Variants in CDH13 observed in about 807,000 individuals in gnomAD.
The protein encoded by CDH13 is cadherin 13.
In CDH13, 24 loss-of-function variants were observed where a neutral mutation model predicts 63.8. The ratio of observed to expected loss-of-function variants is 0.38; its 90% confidence interval spans 0.27 to 0.53. The LOEUF (loss-of-function observed/expected upper bound fraction) is 0.53, where lower values mean the gene tolerates loss of function less well. Among genes scored for constraint, CDH13 ranks in the 20% least tolerant of loss-of-function variants. The pLI is 0.85. For synonymous variants in CDH13, 503 were observed against 355.3 expected (o/e 1.42, Z -4.67); for missense variants, 1,049 against 903.1 (o/e 1.16, Z -2.07).
chr16:83,696,916 C>G (rs1267756467), intron 10 of CDH13, among the ~76,000 whole-genome samples: 6 of 152,130 alleles, frequency 3.9e-5, no homozygotes, highest in Non-Finnish European at 7.4e-5. Context: ...AAGTAAAACC[C>G]AGACCCCCTG....
intron 3 of CDH13, among the ~76,000 whole-genome samples, chr16:83,121,564 A>G (rs192344615): frequency 1.3e-5 from 2 of 152,338 alleles, no homozygotes; most frequent in Admixed American, 1.3e-4. Flanking sequence ...AGTGGTCGGA[A>G]CATGGTCTTC....
chr16:83,031,262 A>G lies in CDH13; in HGVS notation c.158-748A>G, dbSNP rs569865447. ...ATATACATGCGCATGTATACACCAT[A>G]TACATGCGCATGTATACACCATATA... On this transcript the variant is annotated intron_variant, in intron 2 of 13. Transcript: ENST00000567109. Among the ~76,000 whole-genome samples the G allele has an allele frequency of 8.9e-5, 13 of 146,156 alleles. 1 individual carries two copies. Among genetic ancestry groups the G allele is most frequent in the African/African-American group, 3.3e-4 (13 of 39,984 alleles).
intron 2 of CDH13, among the ~76,000 whole-genome samples, chr16:82,906,856 C>A (rs546324709): frequency 3.3e-5 from 5 of 152,172 alleles, no homozygotes; most frequent in Non-Finnish European, 7.3e-5. Context: ...TCATGACCTC[C>A]TCTTCTGCCT....
intron 2 of CDH13, among the ~76,000 whole-genome samples, chr16:83,015,747 C>T (rs1422757905): frequency 8.1e-6 from 1 of 122,838 alleles, no homozygotes; most frequent in African/African-American, 3.0e-5. Flanking sequence ...AGCAATAAAT[C>T]TCAGGAACCT....
At chr16:82,757,461 C>T (rs1185094748) in intron 1 of CDH13, among the ~76,000 whole-genome samples, 1 of 152,156 alleles carries the variant, frequency 6.6e-6, no homozygotes, top group African/African-American at 2.4e-5. Context: ...AAAAACAAAT[C>T]GATGGCTCTG....
chr16:83,246,835 C>T (rs1458132591), intron 5 of CDH13, among the ~76,000 whole-genome samples: 2 of 152,192 alleles, frequency 1.3e-5, no homozygotes, highest in African/African-American at 4.8e-5. Context: ...CTGTTTCCTT[C>T]TTCAGTTCTC....
intron 4 of CDH13, among the ~76,000 whole-genome samples, chr16:83,149,426 AG>A (rs1309010200): frequency 1.3e-5 from 2 of 152,236 alleles, no homozygotes; most frequent in Admixed American, 1.3e-4. Flanking sequence ...CGTCCATGAT[AG>A]GATCACAACA....
At chr16:83,634,115 T>TTGTGTGTGTGTG (rs1454869281) in intron 8 of CDH13, among the ~76,000 whole-genome samples, 2 of 135,790 alleles carry the variant, frequency 1.5e-5, no homozygotes, top group East Asian at 4.3e-4. Context: ...TTTGTGTGTT[T>TTGTGTGTGTGTG]TCTGTGTGTG....
chr16:83,505,770 T>G (rs753562716), intron 7 of CDH13, among the ~76,000 whole-genome samples: 2 of 152,162 alleles, frequency 1.3e-5, no homozygotes, highest in Non-Finnish European at 2.9e-5. Flanking sequence ...CTTGAACTCC[T>G]GACCTCAGGT....
intron 2 of CDH13, among the ~76,000 whole-genome samples, chr16:82,876,527 A>C (rs141580992): frequency 1.8e-4 from 28 of 152,324 alleles, no homozygotes; most frequent in African/African-American, 6.7e-4. Flanking sequence ...AGCTTTTAAA[A>C]AAATAGATGG....
chr16:82,782,726 C>T (rs28706808), intron 1 of CDH13, among the ~76,000 whole-genome samples: 5,169 of 152,232 alleles, frequency 0.034, 320 homozygotes, highest in African/African-American at 0.12. Flanking sequence ...ACAAAAGCAG[C>T]TTCACGACCA....
intron 2 of CDH13, among the ~76,000 whole-genome samples, chr16:82,900,058 A>T (rs115815395): frequency 8.3e-4 from 126 of 151,854 alleles, no homozygotes; most frequent in African/African-American, 3.0e-3. Flanking sequence ...CTTGCTTTCT[A>T]TTTCCCAGAA....
At chr16:82,679,890 A>G (rs1292238397) in intron 1 of CDH13, among the ~76,000 whole-genome samples, 1 of 152,220 alleles carries the variant, frequency 6.6e-6, no homozygotes, top group African/African-American at 2.4e-5. Flanking sequence ...CCTATCTCAT[A>G]AGATTGTCAG....
chr16:83,375,398 A>C (rs1261314256), intron 6 of CDH13, among the ~76,000 whole-genome samples: 2 of 152,208 alleles, frequency 1.3e-5, no homozygotes, highest in Middle Eastern at 3.2e-3. Flanking sequence ...CACAGCTATC[A>C]GTGGCTATGG....
intron 8 of CDH13, among the ~76,000 whole-genome samples, chr16:83,623,159 A>G (rs930990875): frequency 3.3e-5 from 5 of 152,046 alleles, no homozygotes; most frequent in East Asian, 3.9e-4. Flanking sequence ...AGATGCCCTG[A>G]GGCATACAAG....
chr16:83,007,587 T>C (rs992499469), intron 2 of CDH13, among the ~76,000 whole-genome samples: 5 of 152,096 alleles, frequency 3.3e-5, no homozygotes, highest in Admixed American at 6.5e-5. Flanking sequence ...CCCAGCACTT[T>C]GGGAGGCTGG....
intron 3 of CDH13, among the ~76,000 whole-genome samples, chr16:83,073,512 T>A (rs1173285574): frequency 1.3e-5 from 2 of 152,164 alleles, no homozygotes; most frequent in Non-Finnish European, 2.9e-5. Flanking sequence ...TTCACACACA[T>A]GGCGATGAGA....
rs75248907 is a variant in CDH13 at position 83,172,733 on chromosome 16, C to T, written c.484-44612C>T. Among the ~76,000 whole-genome samples, 1,389 of 152,100 alleles carry T rather than the reference C, an allele frequency of 9.1e-3. 23 individuals are homozygous for T. Among genetic ancestry groups the T allele is most frequent in the African/African-American group, 0.032 (1,322 of 41,508 alleles). On this transcript the variant is annotated intron_variant, in intron 4 of 13. Coordinates refer to ENST00000567109, the MANE Select transcript of CDH13 (RefSeq NM_001257.5). ...TGCTTAAGCCACCCAATCTACAGTA[C>T]TTTGTCATAACAGCCCTAACAAACA...
At chr16:83,530,912 T>C (rs2075070414) in intron 7 of CDH13, among the ~76,000 whole-genome samples, 1 of 152,214 alleles carries the variant, frequency 6.6e-6, no homozygotes, top group Non-Finnish European at 1.5e-5. Context: ...TCACACAGAC[T>C]GGATTCAAAT....
Sources: allele counts gnomAD v4.1 joint callset (sites outside exome capture counted in the v4.1 genomes callset), GRCh38; gene constraint gnomAD v4.1.1; transcripts MANE v1.5; gene names NCBI Gene and HGNC (gene_info 2026-07-23, HGNC 2026-07-21).